IL1RAPL2: variants seen among roughly 807,000 people sequenced by gnomAD.
IL1RAPL2 encodes the protein X-linked interleukin-1 receptor accessory protein-like 2.
IL1RAPL2 carries 3 observed loss-of-function variants against 44.1 expected under a neutral mutation model. That is an observed-to-expected ratio of 0.07 (90% CI 0.03 to 0.18). IL1RAPL2 has a LOEUF of 0.18. IL1RAPL2 is among the 10% of genes least tolerant of loss of function. The pLI is 1.00. For missense variants in IL1RAPL2, 391 were observed against 496.4 expected, an observed-to-expected ratio of 0.79 and a Z score of 2.02; for synonymous variants, 181 against 178.8, an observed-to-expected ratio of 1.01 and a Z score of -0.10.
intron 6 of IL1RAPL2, among the ~76,000 whole-genome samples, chrX:105,619,657 G>A (rs1475476200): frequency 9.0e-6 from 1 of 111,270 alleles, no homozygotes; most frequent in African/African-American, 3.3e-5. Flanking sequence ...AGGTGCTCCA[G>A]TAGTTGTCCA....
chrX:104,982,639 AT>A (rs1434010150), intron 2 of IL1RAPL2, among the ~76,000 whole-genome samples: 6 of 111,597 alleles, frequency 5.4e-5, no homozygotes, highest in African/African-American at 1.9e-4. Flanking sequence ...CAGAAAAAAA[AT>A]AACAACAGAA....
chrX:104,583,594 C>T (rs894441360), intron 1 of IL1RAPL2, among the ~76,000 whole-genome samples: 2 of 112,174 alleles, frequency 1.8e-5, no homozygotes, highest in Non-Finnish European at 3.8e-5. Context: ...TTTTAATTGA[C>T]AGATAATATT....
chrX:105,767,811 A>C lies in IL1RAPL2; in HGVS notation c.*150A>C. The C allele has an allele frequency of 2.2e-6, 1 of 447,229 alleles. No individual in the cohort carries two copies. The allele number at this position is 447,229 out of a possible 1,213,427, so 36.9% of individuals were successfully genotyped here. A position where few individuals can be genotyped will look rare whatever the true frequency, so the allele number is the denominator to read the frequency against. On this transcript the variant is annotated 3_prime_UTR_variant, in exon 11 of 11. Transcript: ENST00000372582. ...TTTATACTTAAATATTTTTGTTTAC[A>C]TTTCCAGAATAGTGGGGGGAAAGAA...
At chrX:105,191,633 A>G (rs1164883471) in intron 2 of IL1RAPL2, among the ~76,000 whole-genome samples, 1 of 112,432 alleles carries the variant, frequency 8.9e-6, no homozygotes, top group African/African-American at 3.2e-5. Flanking sequence ...TTGTTCTTTT[A>G]AATACTGAAA....
At chrX:105,324,266 G>A (rs960318513) in intron 5 of IL1RAPL2, among the ~76,000 whole-genome samples, 1 of 111,209 alleles carries the variant, frequency 9.0e-6, no homozygotes, top group South Asian at 3.9e-4. Context: ...TAGGATGTCA[G>A]AAGTGGTAAG....
intron 3 of IL1RAPL2, among the ~76,000 whole-genome samples, chrX:105,224,116 A>G (rs1391015881): frequency 9.0e-6 from 1 of 110,597 alleles, no homozygotes; most frequent in Non-Finnish European, 1.9e-5. Flanking sequence ...TAAGCAGGAC[A>G]AAAAAACAGA....
At chrX:105,078,023 C>G (rs187496476) in intron 2 of IL1RAPL2, among the ~76,000 whole-genome samples, 1 of 111,814 alleles carries the variant, frequency 8.9e-6, no homozygotes, top group Non-Finnish European at 1.9e-5. Flanking sequence ...TCTTCTGGAG[C>G]CTTCCTCTCT....
At chrX:105,490,900 AC>A (rs1249351568) in intron 6 of IL1RAPL2, among the ~76,000 whole-genome samples, 1 of 112,033 alleles carries the variant, frequency 8.9e-6, no homozygotes, top group African/African-American at 3.2e-5. Context: ...TTGTGGCAGG[AC>A]CTCATGTTCT....
chrX:105,592,256 T>C (rs2037177519), intron 6 of IL1RAPL2, among the ~76,000 whole-genome samples: 1 of 112,136 alleles, frequency 8.9e-6, no homozygotes, highest in African/African-American at 3.2e-5. Context: ...TTTGTTGTTG[T>C]TGTTTTGTTG....
intron 2 of IL1RAPL2, among the ~76,000 whole-genome samples, chrX:105,079,077 C>T (rs1479130588): frequency 1.8e-5 from 2 of 112,212 alleles, no homozygotes; most frequent in Admixed American, 1.9e-4. Context: ...GAGATGAACG[C>T]GGTACCTCAG....
chrX:105,322,410 A>G (rs1290259572), intron 5 of IL1RAPL2, among the ~76,000 whole-genome samples: 1 of 112,414 alleles, frequency 8.9e-6, no homozygotes, highest in Non-Finnish European at 1.9e-5. Flanking sequence ...AGGGTGTCAC[A>G]TAGTTGAAAT....
intron 2 of IL1RAPL2, among the ~76,000 whole-genome samples, chrX:104,919,109 A>G (rs1161533159): frequency 1.8e-5 from 2 of 111,856 alleles, no homozygotes; most frequent in African/African-American, 6.5e-5. Context: ...ATTTAATGAA[A>G]AAATAAGTTA....
At chrX:105,448,637 T>C (rs1417058013) in intron 5 of IL1RAPL2, among the ~76,000 whole-genome samples, 3 of 111,458 alleles carry the variant, frequency 2.7e-5, no homozygotes, top group Non-Finnish European at 1.9e-5. Context: ...TGTGCTGGGA[T>C]TACAGGTGTG....
chrX:105,212,253 A>G (rs1387059842), intron 3 of IL1RAPL2, among the ~76,000 whole-genome samples: 1 of 112,176 alleles, frequency 8.9e-6, no homozygotes, highest in Non-Finnish European at 1.9e-5. Context: ...TCTGAAGTCA[A>G]CCTGGGATGG....
At chrX:105,463,940 A>G (rs779055819) in intron 5 of IL1RAPL2, among the ~76,000 whole-genome samples, 2 of 112,324 alleles carry the variant, frequency 1.8e-5, no homozygotes, top group East Asian at 5.6e-4. Context: ...GATGCCATTT[A>G]TAACCTTTTG....
intron 2 of IL1RAPL2, among the ~76,000 whole-genome samples, chrX:104,784,823 C>T: frequency 9.2e-6 from 1 of 108,964 alleles, no homozygotes; most frequent in East Asian, 2.8e-4. Context: ...CCTCTTATCC[C>T]TGAAGACCCC....
At chrX:105,744,397 A>T (rs757510877) in intron 8 of IL1RAPL2, among the ~76,000 whole-genome samples, 1 of 111,680 alleles carries the variant, frequency 9.0e-6, no homozygotes, top group Non-Finnish European at 1.9e-5. Context: ...TTTTTAAGTC[A>T]GAACAAGCTC....
intron 2 of IL1RAPL2, among the ~76,000 whole-genome samples, chrX:105,155,293 CATT>C (rs2033260277): frequency 9.0e-6 from 1 of 110,773 alleles, no homozygotes; most frequent in Non-Finnish European, 1.9e-5. Context: ...AGCAAGCTGT[CATT>C]GTTGGTTGAG....
intron 2 of IL1RAPL2, among the ~76,000 whole-genome samples, chrX:104,710,231 G>C (rs1931434631): frequency 9.0e-6 from 1 of 111,315 alleles, no homozygotes; most frequent in African/African-American, 3.3e-5. Context: ...GGTGCAAATG[G>C]GCCAAAAGTT....
Sources: allele counts gnomAD v4.1 joint callset (sites outside exome capture counted in the v4.1 genomes callset), GRCh38; gene constraint gnomAD v4.1.1; transcripts MANE v1.5; gene names NCBI Gene and HGNC (gene_info 2026-07-23, HGNC 2026-07-21).